Variants in VAT1L observed in about 807,000 individuals in gnomAD.
VAT1L encodes the protein putative NADPH-dependent quinone oxidoreductase VAT1L.
VAT1L carries 34 observed loss-of-function variants against 44.1 expected under a neutral mutation model. The ratio of observed to expected loss-of-function variants is 0.77; its 90% confidence interval spans 0.59 to 1.03. VAT1L has a LOEUF of 1.03. Among genes scored for constraint, VAT1L ranks in the 50% least tolerant of loss-of-function variants. The pLI, the probability that VAT1L is intolerant of heterozygous loss-of-function variation, is 0.00. For missense variants in VAT1L, 615 were observed against 538.8 expected, an observed-to-expected ratio of 1.14 and a Z score of -1.40; for synonymous variants, 253 against 202.2, an observed-to-expected ratio of 1.25 and a Z score of -2.13.
chr16:77,948,066 C>G (rs1381352388), intron 7 of VAT1L, among the ~76,000 whole-genome samples: 1 of 152,166 alleles, frequency 6.6e-6, no homozygotes, highest in Admixed American at 6.5e-5. Flanking sequence ...GGCCCCATCT[C>G]CCTCTTAAAA....
At chr16:77,962,155 C>A (rs1384234422) in intron 7 of VAT1L, among the ~76,000 whole-genome samples, 1 of 152,104 alleles carries the variant, frequency 6.6e-6, no homozygotes. Flanking sequence ...GGGCCCTGGG[C>A]AAGAGTGCAA....
At chr16:77,951,236 G>A (rs918039448) in intron 7 of VAT1L, among the ~76,000 whole-genome samples, 1 of 152,158 alleles carries the variant, frequency 6.6e-6, no homozygotes, top group African/African-American at 2.4e-5. Context: ...AAGTGGAAGG[G>A]TAATTTGTAG....
rs35017686 is a variant in VAT1L, at chr16:77,975,194, C to CTTTTT, written c.1162-2373_1162-2369dup. 1.8e-3 allele frequency among the ~76,000 whole-genome samples: 71 copies of CTTTTT among 39,856 alleles called. 9 individuals are homozygous for CTTTTT. Among genetic ancestry groups the CTTTTT allele is most frequent in the African/African-American group, 6.9e-3 (65 of 9,420 alleles). The allele number at this position is 39,856 out of a possible 152,430, so 26.1% of individuals were successfully genotyped here. A position where few individuals can be genotyped will look rare whatever the true frequency, so the allele number is the denominator to read the frequency against. ...GTGCTTTCTCCTACTGGAATGACCA[C>CTTTTT]TTTTTTTTTTTTTTTTTTTTTTTTT... On this transcript the variant is annotated intron_variant, in intron 8 of 8. Transcript: ENST00000302536.
chr16:77,962,237 G>T (rs2018167445), intron 7 of VAT1L, among the ~76,000 whole-genome samples: 1 of 152,112 alleles, frequency 6.6e-6, no homozygotes, highest in East Asian at 1.9e-4. Flanking sequence ...CACCAGGAGG[G>T]GTCCTGCCCA....
intron 1 of VAT1L, among the ~76,000 whole-genome samples, chr16:77,805,563 TCTGCTTGGCACAAAGCCTCGCACGAG>T (rs2016140840): frequency 9.8e-6 from 1 of 101,784 alleles, no homozygotes; most frequent in Admixed American, 1.1e-4. Flanking sequence ...CCTTACTGCG[TCTGCTTGGCACAAAGCCTCGCACGAG>T]GTCTGCTTGC....
At chr16:77,856,013 AAAAC>A (rs372155498) in intron 3 of VAT1L, among the ~76,000 whole-genome samples, 7,389 of 152,074 alleles carry the variant, frequency 0.049, 215 homozygotes, top group African/African-American at 0.077. Context: ...AGACTCCGTC[AAAAC>A]AAACAAACAA....
At chr16:77,844,856 A>G (rs2016743289) in intron 3 of VAT1L, among the ~76,000 whole-genome samples, 1 of 139,570 alleles carries the variant, frequency 7.2e-6, no homozygotes. Context: ...GTGTGTGTGC[A>G]TGTGTATATA....
At chr16:77,907,000 A>G (rs1289847048) in intron 7 of VAT1L, among the ~76,000 whole-genome samples, 2 of 152,198 alleles carry the variant, frequency 1.3e-5, no homozygotes, top group African/African-American at 2.4e-5. Flanking sequence ...AGTTGGTTAC[A>G]TCTTGCAGGA....
Position 77,977,715 on chromosome 16 carries a change from A to T in VAT1L, c.*20A>T. 6.2e-7 allele frequency: 1 copy of T among 1,610,128 alleles called. No individual in the cohort carries two copies. The highest frequency in any genetic ancestry group is 8.5e-7 in the Non-Finnish European group (1 of 1,177,728). ...CAGTAACTGAGGACCCAGGTGGGAG[A>T]ATGTGAAGGATGGTTTGGAAGATGA... On this transcript the variant is annotated 3_prime_UTR_variant, in exon 9 of 9. Coordinates refer to ENST00000302536, the MANE Select transcript of VAT1L (RefSeq NM_020927.3).
chr16:77,930,314 A>G (rs1292368906), intron 7 of VAT1L, among the ~76,000 whole-genome samples: 1 of 152,152 alleles, frequency 6.6e-6, no homozygotes, highest in Non-Finnish European at 1.5e-5. Context: ...GAGTATCATT[A>G]CTGATGTTCT....
intron 7 of VAT1L, among the ~76,000 whole-genome samples, chr16:77,916,772 C>T (rs2017556391): frequency 6.7e-6 from 1 of 149,476 alleles, no homozygotes; most frequent in African/African-American, 2.4e-5. Flanking sequence ...CTACAGGGAG[C>T]CTCCTTATAC....
chr16:77,878,538 A>C (rs2017113982), intron 5 of VAT1L, among the ~76,000 whole-genome samples: 1 of 149,036 alleles, frequency 6.7e-6, no homozygotes, highest in Admixed American at 6.8e-5. Context: ...TCCCAACTCC[A>C]CCTCCCATCT....
intron 7 of VAT1L, among the ~76,000 whole-genome samples, chr16:77,918,606 T>G (rs891245394): frequency 1.3e-5 from 2 of 152,318 alleles, no homozygotes; most frequent in East Asian, 1.9e-4. Flanking sequence ...TGCGACCCAT[T>G]TGGCTGATCC....
chr16:77,874,565 C>T (rs1353693976), intron 4 of VAT1L, among the ~76,000 whole-genome samples: 1 of 152,048 alleles, frequency 6.6e-6, no homozygotes, highest in Non-Finnish European at 1.5e-5. Context: ...TTCCCTCTGC[C>T]TAGGACACTA....
intron 1 of VAT1L, among the ~76,000 whole-genome samples, chr16:77,804,613 C>T (rs905508866): frequency 9.9e-5 from 15 of 152,202 alleles, no homozygotes; most frequent in Non-Finnish European, 1.5e-5. Flanking sequence ...CCTCCCTCCT[C>T]TCTGTCCTTA....
chr16:77,901,292 T>G (rs551314296), intron 7 of VAT1L, among the ~76,000 whole-genome samples: 7 of 149,942 alleles, frequency 4.7e-5, no homozygotes, highest in Non-Finnish European at 8.9e-5. Context: ...GCCTCCTGGA[T>G]AGCTGGAACT....
chr16:77,839,261 C>T (rs569817516), intron 3 of VAT1L, among the ~76,000 whole-genome samples: 10 of 151,872 alleles, frequency 6.6e-5, no homozygotes, highest in Admixed American at 6.6e-5. Flanking sequence ...CACGGCCGGG[C>T]GCGATGGCTC....
chr16:77,957,150 T>C (rs748156006), intron 7 of VAT1L, among the ~76,000 whole-genome samples: 2 of 152,220 alleles, frequency 1.3e-5, no homozygotes, highest in Admixed American at 6.5e-5. Flanking sequence ...CTTTCAAAGA[T>C]AGCTCCCCAC....
intron 7 of VAT1L, among the ~76,000 whole-genome samples, chr16:77,922,183 C>G (rs910993635): frequency 6.7e-6 from 1 of 148,744 alleles, no homozygotes; most frequent in Non-Finnish European, 1.5e-5. Flanking sequence ...GGATGGCGGG[C>G]GGGGGTGGAG....
Sources: gnomAD v4.1 joint callset for allele counts (sites outside exome capture counted in the v4.1 genomes callset) on GRCh38, gnomAD v4.1.1 for gene constraint, MANE v1.5 for transcripts, NCBI Gene and HGNC (gene_info 2026-07-23, HGNC 2026-07-21) for gene names.